KIF26B: variants seen among roughly 807,000 people sequenced by gnomAD.
KIF26B encodes kinesin family member 26B.
KIF26B carries 63 observed loss-of-function variants against 151.2 expected under a neutral mutation model. That is an observed-to-expected ratio of 0.42 (90% CI 0.34 to 0.51). The LOEUF (loss-of-function observed/expected upper bound fraction) is 0.51, where lower values mean the gene tolerates loss of function less well. Among genes scored for constraint, KIF26B ranks in the 20% least tolerant of loss-of-function variants. The pLI is 0.07. For missense variants in KIF26B, 2,813 were observed against 2,913.6 expected (o/e 0.97, Z 0.79); for synonymous variants, 1,357 against 1,262.1 (o/e 1.08, Z -1.59).
chr1:245,506,941 A>G (rs556423565), intron 4 of KIF26B, among the ~76,000 whole-genome samples: 5 of 152,310 alleles, frequency 3.3e-5, no homozygotes, highest in African/African-American at 1.2e-4. Flanking sequence ...CGGCCTCCCA[A>G]GGTGCTGGGA....
intron 10 of KIF26B, among the ~76,000 whole-genome samples, chr1:245,673,382 C>T (rs2044318695): frequency 1.5e-5 from 2 of 137,412 alleles, no homozygotes; most frequent in Admixed American, 7.2e-5. Context: ...CCCCGCTGCG[C>T]GCTGCCATCT....
chr1:245,423,417 T>C (rs1238226789), intron 4 of KIF26B, among the ~76,000 whole-genome samples: 3 of 151,736 alleles, frequency 2.0e-5, no homozygotes, highest in Admixed American at 2.0e-4. Context: ...TTCCTCTCAC[T>C]TGAGACCCCA....
At chr1:245,295,879 G>A (rs1297015729) in intron 2 of KIF26B, among the ~76,000 whole-genome samples, 1 of 152,146 alleles carries the variant, frequency 6.6e-6, no homozygotes, top group East Asian at 1.9e-4. Context: ...ATGGCCTTGA[G>A]GAATAAGGAG....
intron 2 of KIF26B, among the ~76,000 whole-genome samples, chr1:245,254,781 G>A (rs1670504259): frequency 6.6e-6 from 1 of 152,160 alleles, no homozygotes; most frequent in Non-Finnish European, 1.5e-5. Flanking sequence ...TGTACCCTGG[G>A]GGCTATGCAG....
chr1:245,449,230 TC>T (rs1179536098), intron 4 of KIF26B, among the ~76,000 whole-genome samples: 2 of 152,188 alleles, frequency 1.3e-5, no homozygotes, highest in East Asian at 3.8e-4. Flanking sequence ...TCCCGACAGA[TC>T]CTTGTCGTAT....
chr1:245,304,942 C>G (rs1671508818), intron 2 of KIF26B, among the ~76,000 whole-genome samples: 2 of 152,102 alleles, frequency 1.3e-5, no homozygotes. Flanking sequence ...TGCCAGCTTG[C>G]CCAGGCCCAG....
rs376234350 is a variant in KIF26B at position 245,585,265 on chromosome 1, T to C, written c.1351-17312T>C. ...TGGTAAGAAAATAAGAGTTTTCCTT[T>C]GTGTGCGTATGTGAAACCAATTCCC... On this transcript the variant is annotated intron_variant, in intron 5 of 14. Coordinates refer to ENST00000407071, the MANE Select transcript of KIF26B (RefSeq NM_018012.4). 3.9e-5 allele frequency among the ~76,000 whole-genome samples: 6 copies of C among 152,224 alleles called. No individual in the cohort carries two copies. The East Asian group carries it at 5.8e-4, about 15-fold the overall frequency.
chr1:245,284,974 G>A (rs4658743), intron 2 of KIF26B, among the ~76,000 whole-genome samples: 72,211 of 152,172 alleles, frequency 0.47, 17,420 homozygotes, highest in East Asian at 0.65. Context: ...GGGAGGTGGA[G>A]GTTGCGGTGA....
At chr1:245,356,211 A>G (rs2103003415) in intron 2 of KIF26B, among the ~76,000 whole-genome samples, 1 of 152,240 alleles carries the variant, frequency 6.6e-6, no homozygotes, top group East Asian at 1.9e-4. Flanking sequence ...AGAAACAAGC[A>G]AAAAAACACA....
intron 5 of KIF26B, among the ~76,000 whole-genome samples, chr1:245,569,676 C>T (rs923284950): frequency 2.0e-5 from 3 of 151,904 alleles, no homozygotes; most frequent in Non-Finnish European, 4.4e-5. Context: ...CCTGTAGTTC[C>T]AGCTACTCGG....
intron 4 of KIF26B, among the ~76,000 whole-genome samples, chr1:245,499,488 T>C (rs763320248): frequency 6.6e-6 from 1 of 152,192 alleles, no homozygotes; most frequent in Non-Finnish European, 1.5e-5. Context: ...TAGAGATTAT[T>C]ATCTGATTTT....
At chr1:245,700,585 C>A (rs191263407) in intron 14 of KIF26B, among the ~76,000 whole-genome samples, 153 of 152,280 alleles carry the variant, frequency 1.0e-3, no homozygotes, top group African/African-American at 3.5e-3. Context: ...GTAATCTCAG[C>A]TACTCAGGAG....
intron 2 of KIF26B, among the ~76,000 whole-genome samples, chr1:245,176,576 A>C (rs1004619711): frequency 2.0e-5 from 3 of 152,118 alleles, no homozygotes; most frequent in African/African-American, 7.2e-5. Context: ...ATAAGATGCC[A>C]CGTGTGAGCC....
intron 2 of KIF26B, among the ~76,000 whole-genome samples, chr1:245,205,970 TC>T (rs1669398196): frequency 6.6e-6 from 1 of 151,864 alleles, no homozygotes; most frequent in Non-Finnish European, 1.5e-5. Context: ...ACTCCTGGCC[TC>T]AAGCAATCCT....
intron 10 of KIF26B, among the ~76,000 whole-genome samples, chr1:245,679,006 C>T (rs1236424456): frequency 2.6e-5 from 4 of 152,074 alleles, no homozygotes; most frequent in Non-Finnish European, 5.9e-5. Context: ...GGTGTGTAGT[C>T]AGGACCTGCA....
Position 245,156,664 on chromosome 1 carries a change from C to T in KIF26B, c.446C>T (p.Pro149Leu). 3 of 1,502,086 alleles carry T rather than the reference C, an allele frequency of 2.0e-6. No individual in the cohort carries two copies. The highest frequency in any genetic ancestry group is 2.6e-6 in the Non-Finnish European group (3 of 1,132,972). The allele number at this position is 1,502,086 out of a possible 1,614,324, so 93.0% of individuals were successfully genotyped here. ...AGGCAGGCCCTGAGGTTGCTCCTCC[C>T]GGGGCCCTTCCCGGGCAAGGTGAGC... ...LKRQALRLLL[P>L]GPFPGKDPAF... Residue 149 changes from proline (P) to leucine (L), a missense_variant, in exon 2 of 15, where the codon CCG becomes CTG. Pro to Leu is a moderately conservative substitution (Grantham distance 98, BLOSUM62 -3). This residue lies in a region of KIF26B where 676 missense variants were observed against 688.1 expected (regional missense o/e 0.98). Coordinates refer to ENST00000407071, the MANE Select transcript of KIF26B (RefSeq NM_018012.4).
intron 5 of KIF26B, among the ~76,000 whole-genome samples, chr1:245,577,632 G>A (rs754193046): frequency 4.0e-5 from 6 of 148,926 alleles, no homozygotes; most frequent in Non-Finnish European, 7.4e-5. Flanking sequence ...CCCCTACACG[G>A]AAGAGCTTTG....
rs10157129 is a variant in KIF26B at position 245,549,738 on chromosome 1, T to C, written c.1350+8788T>C. On this transcript the variant is annotated intron_variant, in intron 5 of 14. Transcript: ENST00000407071. ...ATTTGAATCCCTTTCTAATGCCTCATTGAACCAAAATGTATTATTATGGAG... is the reference window on the plus strand; with the variant it reads ...ATTTGAATCCCTTTCTAATGCCTCACTGAACCAAAATGTATTATTATGGAG... Among the ~76,000 whole-genome samples, 970 of 152,280 alleles carry C rather than the reference T, an allele frequency of 6.4e-3. 14 individuals are homozygous for C. The highest frequency in any genetic ancestry group is 0.022 in the African/African-American group (931 of 41,566).
chr1:245,559,561 G>A (rs898048616), intron 5 of KIF26B, among the ~76,000 whole-genome samples: 7 of 151,974 alleles, frequency 4.6e-5, no homozygotes, highest in African/African-American at 1.2e-4. Flanking sequence ...ACAGGCGCAC[G>A]CCCCCACACC....
Sources: gnomAD v4.1 joint callset for allele counts (sites outside exome capture counted in the v4.1 genomes callset) on GRCh38, gnomAD v4.1.1 for gene constraint, gnomAD v4.1.1 regional missense constraint, MANE v1.5 for transcripts, NCBI Gene and HGNC (gene_info 2026-07-23, HGNC 2026-07-21) for gene names.